The following EEA1 variants were observed in gnomAD, a reference collection of about 807,000 sequenced individuals.
EEA1 encodes the protein early endosome antigen 1, 162kD.
Under a neutral mutation model 209.2 loss-of-function variants are expected in EEA1, and 111 were observed. The observed-to-expected ratio is 0.53, with a 90% confidence interval of 0.45 to 0.62. EEA1 has a LOEUF of 0.62. Ranked by LOEUF, EEA1 falls within the 20% of genes least tolerant of loss-of-function variation. The pLI is 0.00. For synonymous variants in EEA1, 536 were observed against 540.6 expected (o/e 0.99, Z 0.12); for missense variants, 1,343 against 1,530.8 (o/e 0.88, Z 2.05).
intron 21 of EEA1, among the ~76,000 whole-genome samples, chr12:92,798,351 AT>A (rs933220784): frequency 1.3e-5 from 2 of 149,422 alleles, no homozygotes; most frequent in Non-Finnish European, 1.5e-5. Flanking sequence ...TATTATTATT[AT>A]TTTTTTTTGA....
intron 24 of EEA1, among the ~76,000 whole-genome samples, chr12:92,779,704 GA>G (rs111230473): frequency 0.25 from 38,362 of 151,870 alleles, 5,288 homozygotes; most frequent in Non-Finnish European, 0.31. Context: ...GGAACATAAA[GA>G]GATAATTAAT....
chr12:92,799,253 C>T (rs1280380234), intron 20 of EEA1, among the ~76,000 whole-genome samples, 167 bp from the exon 21 acceptor site: 2 of 152,190 alleles, frequency 1.3e-5, no homozygotes, highest in Non-Finnish European at 2.9e-5. Flanking sequence ...ATTACTGAGG[C>T]TGTTGGCTAC....
intron 11 of EEA1, among the ~76,000 whole-genome samples, chr12:92,829,572 A>G (rs1876508576): frequency 6.6e-6 from 1 of 152,026 alleles, no homozygotes; most frequent in Non-Finnish European, 1.5e-5. Flanking sequence ...TGAGCTCAAG[A>G]GTTCGAGACC....
chr12:92,894,520 C>A (rs1879786765), intron 1 of EEA1, among the ~76,000 whole-genome samples: 1 of 152,026 alleles, frequency 6.6e-6, no homozygotes, highest in Non-Finnish European at 1.5e-5. Context: ...AGTGAACACA[C>A]AAATGATAAG....
Position 92,782,148 on chromosome 12 carries a change from A to G in EEA1, c.3151-13T>C. 7.6e-6 allele frequency: 12 copies of G among 1,580,984 alleles called. No individual in the cohort carries two copies. Among genetic ancestry groups the G allele is most frequent in the Non-Finnish European group, 1.0e-5 (12 of 1,162,492 alleles). ...TCTCTTCTACAGACTTACAAAAACA[A>G]TTTTCCCAAATTATTATATGCCATG... is the stretch of plus-strand genomic sequence containing the variant. On this transcript the variant is annotated splice_polypyrimidine_tract_variant and intron_variant, in intron 22 of 28. Transcript: ENST00000322349.
In EEA1 at chr12:92,852,304, A is replaced by C; in HGVS notation, c.521-8T>G. ...CATACTTTGACTTTATATCTAATTA[A>C]AGATAGTTATATAAATATTAGTTTA... On this transcript the variant is annotated splice_region_variant and splice_polypyrimidine_tract_variant and intron_variant, in intron 7 of 28. Transcript: ENST00000322349. The C allele has an allele frequency of 6.5e-7, 1 of 1,537,034 alleles. No individual in the cohort carries two copies. The highest frequency in any genetic ancestry group is 8.7e-7 in the Non-Finnish European group (1 of 1,145,470).
intron 2 of EEA1, among the ~76,000 whole-genome samples, chr12:92,867,782 C>T (rs968875421): frequency 6.6e-5 from 10 of 152,124 alleles, no homozygotes; most frequent in Non-Finnish European, 1.5e-4. Context: ...GCAGTTAATA[C>T]TTTACAAAAA....
chr12:92,903,110 G>A (rs993616613), intron 1 of EEA1, among the ~76,000 whole-genome samples: 1 of 151,076 alleles, frequency 6.6e-6, no homozygotes, highest in Admixed American at 6.6e-5. Flanking sequence ...AATTTTTTTT[G>A]TATTTTTTAG....
intron 2 of EEA1, among the ~76,000 whole-genome samples, chr12:92,877,692 T>C (rs1444683008): frequency 6.6e-6 from 1 of 151,908 alleles, no homozygotes; most frequent in East Asian, 1.9e-4. Context: ...CCACACCCTT[T>C]AGTAGAGATG....
chr12:92,816,609 T>G (rs1429991888), intron 14 of EEA1, among the ~76,000 whole-genome samples: 2 of 152,184 alleles, frequency 1.3e-5, no homozygotes, highest in Non-Finnish European at 2.9e-5. Context: ...GATATTACTT[T>G]TAAAATTATT....
In EEA1 at chr12:92,826,248, T is replaced by C. The variant is rs368208243; in HGVS notation, c.1442A>G (p.His481Arg). 3.1e-5 allele frequency: 50 copies of C among 1,613,014 alleles called. No homozygotes were observed. The highest frequency in any genetic ancestry group is 4.2e-5 in the Non-Finnish European group (49 of 1,179,204). ...EKVTNSTELQ[H>R]QLDKTKQQHQ... ...CTGTTGCTTTGTTTTATCTAATTGA[T>C]GCTGCAATTCTGTAGAATTTGTAAC... Residue 481 changes from histidine to arginine, a missense_variant, in exon 13 of 29, where the codon CAT (histidine) becomes CGT (arginine). Coordinates refer to ENST00000322349, the MANE Select transcript of EEA1 (RefSeq NM_003566.4).
chr12:92,890,658 T>C (rs934211638), intron 2 of EEA1, among the ~76,000 whole-genome samples: 1 of 152,202 alleles, frequency 6.6e-6, no homozygotes, highest in Non-Finnish European at 1.5e-5. Flanking sequence ...GTTCATCATA[T>C]TATGAACACA....
At chr12:92,811,129 C>T in intron 17 of EEA1, 150 bp downstream of exon 17, 1 of 471,198 alleles carries the variant, frequency 2.1e-6, no homozygotes, top group Non-Finnish European at 3.6e-6. Context: ...AAACTTAAGA[C>T]ATGAAAAATT....
intron 23 of EEA1, among the ~76,000 whole-genome samples, chr12:92,781,488 A>G (rs998975564): frequency 2.6e-5 from 4 of 152,214 alleles, no homozygotes; most frequent in African/African-American, 7.2e-5. Flanking sequence ...TTTAAAATGT[A>G]CTGGTCATAT....
chr12:92,917,672 A>T (rs1200679133), intron 1 of EEA1, among the ~76,000 whole-genome samples: 3 of 150,762 alleles, frequency 2.0e-5, no homozygotes, highest in Non-Finnish European at 4.4e-5. Flanking sequence ...GAGACTAGGA[A>T]GAAACTGCAT....
chr12:92,890,674 G>C (rs1879622865), intron 2 of EEA1, among the ~76,000 whole-genome samples: 1 of 152,012 alleles, frequency 6.6e-6, no homozygotes, highest in African/African-American at 2.4e-5. Flanking sequence ...ACACAGTTTA[G>C]AACATTTTTC....
At chr12:92,845,954 C>T (rs902419474) in intron 9 of EEA1, among the ~76,000 whole-genome samples, 1 of 152,098 alleles carries the variant, frequency 6.6e-6, no homozygotes, top group Admixed American at 6.6e-5. Context: ...TTTGCACTTC[C>T]TTGGTTTTCT....
intron 10 of EEA1, among the ~76,000 whole-genome samples, chr12:92,840,224 C>A (rs1314187355): frequency 6.6e-6 from 1 of 152,056 alleles, no homozygotes; most frequent in Non-Finnish European, 1.5e-5. Flanking sequence ...GGTTTCATAA[C>A]TCTCTACTGC....
At chr12:92,861,673 T>C (rs1036616186) in intron 3 of EEA1, among the ~76,000 whole-genome samples, 1 of 152,078 alleles carries the variant, frequency 6.6e-6, no homozygotes, top group Non-Finnish European at 1.5e-5. Context: ...TCTATCTACC[T>C]TGATATGAAA....
Sources: allele counts gnomAD v4.1 joint callset (sites outside exome capture counted in the v4.1 genomes callset), GRCh38; gene constraint gnomAD v4.1.1; transcripts MANE v1.5; gene names NCBI Gene and HGNC (gene_info 2026-07-23, HGNC 2026-07-21).